The following PRKG1 variants were observed in gnomAD, a reference collection of about 807,000 sequenced individuals.
The protein encoded by PRKG1 is cGMP-dependent protein kinase 1.
A neutral mutation model predicts 88.1 loss-of-function variants in PRKG1; 35 were observed. The observed-to-expected ratio is 0.40, with a 90% confidence interval of 0.30 to 0.53. The LOEUF is 0.53. Among genes scored for constraint, PRKG1 ranks in the 20% least tolerant of loss-of-function variants. The pLI is 0.59. For missense variants in PRKG1, 540 were observed against 839.8 expected (o/e 0.64, Z 4.41); for synonymous variants, 303 against 292.5 (o/e 1.04, Z -0.37).
chr10:51,686,028 A>G lies in PRKG1; in HGVS notation c.593-118557A>G, dbSNP rs561597360. On this transcript the variant is annotated intron_variant, in intron 3 of 17. Transcript: ENST00000373980. Reference sequence around the variant, plus strand: ...CCAGCCCATCAATCCCCTTCCTTCTATGTAATCCTGGGTAAATGAAAGAAT... The same window carrying G: ...CCAGCCCATCAATCCCCTTCCTTCTGTGTAATCCTGGGTAAATGAAAGAAT... Among the ~76,000 whole-genome samples, 7 of 152,152 alleles carry G rather than the reference A, an allele frequency of 4.6e-5. No individual in the cohort carries two copies. In the South Asian group the frequency reaches 1.0e-3, roughly 23 times the overall value.
chr10:51,971,407 A>T (rs971000825), intron 5 of PRKG1, among the ~76,000 whole-genome samples: 1 of 152,080 alleles, frequency 6.6e-6, no homozygotes, highest in Non-Finnish European at 1.5e-5. Flanking sequence ...ATTTCAAAGT[A>T]TTCAAAATCA....
At chr10:51,587,345 G>A (rs1838198935) in intron 3 of PRKG1, among the ~76,000 whole-genome samples, 1 of 152,144 alleles carries the variant, frequency 6.6e-6, no homozygotes, top group African/African-American at 2.4e-5. Context: ...TCCTTAAGGT[G>A]TATTTGCATA....
chr10:51,275,578 T>C (rs888591589), intron 2 of PRKG1, among the ~76,000 whole-genome samples: 13 of 152,250 alleles, frequency 8.5e-5, no homozygotes, highest in Non-Finnish European at 1.9e-4. Context: ...ATTTCTAAAT[T>C]AAATTCAGTT....
intron 14 of PRKG1, among the ~76,000 whole-genome samples, chr10:52,287,794 T>A (rs1242243673): frequency 6.6e-6 from 1 of 151,778 alleles, no homozygotes; most frequent in African/African-American, 2.4e-5. Flanking sequence ...TGTTAAATTA[T>A]CTAATGAGGT....
chr10:51,310,021 T>C (rs1404872389), intron 2 of PRKG1, among the ~76,000 whole-genome samples: 1 of 152,202 alleles, frequency 6.6e-6, no homozygotes, highest in Non-Finnish European at 1.5e-5. Context: ...GCGTTCTCAC[T>C]TATTCATAGG....
chr10:52,058,896 A>G (rs1846171252), intron 6 of PRKG1, among the ~76,000 whole-genome samples: 3 of 152,086 alleles, frequency 2.0e-5, no homozygotes, highest in Admixed American at 2.0e-4. Flanking sequence ...TTTGAAAAGT[A>G]CACGTCTTGT....
intron 7 of PRKG1, among the ~76,000 whole-genome samples, chr10:52,115,735 A>C (rs79980042): frequency 0.016 from 2,433 of 152,270 alleles, 26 homozygotes; most frequent in Non-Finnish European, 0.025. Flanking sequence ...ACTAGACTAT[A>C]AACTCTTTGA....
At chr10:52,280,214 A>T (rs149359972) in intron 12 of PRKG1, among the ~76,000 whole-genome samples, 11 of 152,282 alleles carry the variant, frequency 7.2e-5, no homozygotes, top group African/African-American at 1.2e-4. Flanking sequence ...CAGAAGTTTC[A>T]AAAACAGAAG....
intron 3 of PRKG1, among the ~76,000 whole-genome samples, chr10:51,531,533 T>G (rs952962935): frequency 6.6e-6 from 1 of 152,054 alleles, no homozygotes; most frequent in African/African-American, 2.4e-5. Context: ...CTATATTTAA[T>G]GTAATGTATA....
intron 3 of PRKG1, among the ~76,000 whole-genome samples, chr10:51,627,829 TTCCTC>T (rs1194033445): frequency 5.2e-4 from 76 of 145,082 alleles, no homozygotes; most frequent in African/African-American, 1.9e-3. Context: ...AGTCACAATC[TTCCTC>T]TCCTTTCCTT....
chr10:51,141,294 C>G (rs1330864320), intron 1 of PRKG1, among the ~76,000 whole-genome samples: 1 of 152,202 alleles, frequency 6.6e-6, no homozygotes, highest in Non-Finnish European at 1.5e-5. Flanking sequence ...ACCTCCTTGG[C>G]TTCACGGCCT....
intron 3 of PRKG1, among the ~76,000 whole-genome samples, chr10:51,493,196 T>C (rs1840755184): frequency 2.0e-5 from 3 of 152,204 alleles, no homozygotes; most frequent in South Asian, 4.1e-4. Context: ...TTGCTGTTTT[T>C]AAATTTTACT....
Position 51,079,679 on chromosome 10 carries a change from T to TTGTGTGTGTGTGTG in PRKG1, c.311+4790_311+4803dup, listed in dbSNP as rs56746938. Among the ~76,000 whole-genome samples the TTGTGTGTGTGTGTG allele has an allele frequency of 6.7e-5, 10 of 150,282 alleles. No individual in the cohort carries two copies. In the East Asian group the frequency reaches 1.4e-3, roughly 21 times the overall value. ...GGGTTTTAGAATAGCTAAGGCTCAT[T>TTGTGTGTGTGTGTG]TGTGTGTGTGTGTGTGTGTGTGTGT... On this transcript the variant is annotated intron_variant, in intron 1 of 17. Transcript: ENST00000373980.
intron 2 of PRKG1, among the ~76,000 whole-genome samples, chr10:51,366,093 G>T (rs536801229): frequency 6.6e-6 from 1 of 151,790 alleles, no homozygotes; most frequent in Non-Finnish European, 1.5e-5. Context: ...TTTGCATGAG[G>T]TAATTTTTTT....
At chr10:51,267,498 GGTTT>G (rs1564662149) in intron 2 of PRKG1, among the ~76,000 whole-genome samples, 1 of 151,744 alleles carries the variant, frequency 6.6e-6, no homozygotes, top group East Asian at 1.9e-4. Context: ...CTTCTTTGAC[GGTTT>G]ATTTCTATCA....
At chr10:51,606,958 G>A (rs776344184) in intron 3 of PRKG1, among the ~76,000 whole-genome samples, 4 of 152,168 alleles carry the variant, frequency 2.6e-5, no homozygotes, top group Non-Finnish European at 5.9e-5. Context: ...CTGCCTTGCT[G>A]TAATTGAATA....
At chr10:51,434,348 G>C (rs985557745) in intron 2 of PRKG1, among the ~76,000 whole-genome samples, 10 of 152,062 alleles carry the variant, frequency 6.6e-5, no homozygotes, top group Non-Finnish European at 1.0e-4. Context: ...GATTGAAAGG[G>C]GGCAAACTGC....
intron 3 of PRKG1, among the ~76,000 whole-genome samples, chr10:51,756,708 G>A (rs550643732): frequency 8.8e-4 from 133 of 151,838 alleles, no homozygotes; most frequent in African/African-American, 3.1e-3. Flanking sequence ...TCAGCTACTC[G>A]GGAGGCCGAG....
chr10:52,172,555 G>C (rs1259156959), intron 9 of PRKG1, among the ~76,000 whole-genome samples: 1 of 152,086 alleles, frequency 6.6e-6, no homozygotes, highest in African/African-American at 2.4e-5. Flanking sequence ...CTTTTTAAAA[G>C]CAGAAAAGAA....
Sources: allele counts gnomAD v4.1 joint callset (sites outside exome capture counted in the v4.1 genomes callset), GRCh38; gene constraint gnomAD v4.1.1; transcripts MANE v1.5; gene names NCBI Gene and HGNC (gene_info 2026-07-23, HGNC 2026-07-21).